ZFPM2: variants seen among roughly 807,000 people sequenced by gnomAD.
ZFPM2 encodes zinc finger protein ZFPM2.
ZFPM2 carries 20 observed loss-of-function variants against 98.6 expected under a neutral mutation model. That is an observed-to-expected ratio of 0.20 (90% CI 0.14 to 0.29). ZFPM2 has a LOEUF of 0.29. Ranked by LOEUF, ZFPM2 falls within the 10% of genes least tolerant of loss-of-function variation. ZFPM2 has a pLI of 1.00. For missense variants in ZFPM2, 1,310 were observed against 1,388.6 expected (o/e 0.94, Z 0.90); for synonymous variants, 518 against 502.7 (o/e 1.03, Z -0.41).
At chr8:105,376,998 T>C (rs1810736366) in intron 1 of ZFPM2, among the ~76,000 whole-genome samples, 1 of 152,216 alleles carries the variant, frequency 6.6e-6, no homozygotes, top group Admixed American at 6.5e-5. Context: ...CCTCATCTTG[T>C]ACCATGGTCC....
intron 5 of ZFPM2, among the ~76,000 whole-genome samples, chr8:105,722,530 A>G (rs374395409): frequency 5.9e-5 from 9 of 152,084 alleles, no homozygotes; most frequent in African/African-American, 1.9e-4. Context: ...ATAATTGATT[A>G]ACACATATTT....
chr8:105,371,866 T>C (rs1810627704), intron 1 of ZFPM2, among the ~76,000 whole-genome samples: 1 of 152,032 alleles, frequency 6.6e-6, no homozygotes, highest in Admixed American at 6.6e-5. Context: ...TTAATTGTTC[T>C]GAATTAGTGA....
At chr8:105,346,184 G>A (rs575628053) in intron 1 of ZFPM2, among the ~76,000 whole-genome samples, 3 of 152,038 alleles carry the variant, frequency 2.0e-5, no homozygotes, top group South Asian at 4.1e-4. Flanking sequence ...TCAGGAGTTC[G>A]AGAGCAGCCT....
At chr8:105,331,088 A>G (rs1812224048) in intron 1 of ZFPM2, among the ~76,000 whole-genome samples, 1 of 146,088 alleles carries the variant, frequency 6.8e-6, no homozygotes, top group African/African-American at 2.5e-5. Flanking sequence ...TTCTCCCATT[A>G]TTTTTTTTGT....
chr8:105,511,614 A>AT (rs1425283465), intron 3 of ZFPM2, among the ~76,000 whole-genome samples: 14 of 152,168 alleles, frequency 9.2e-5, no homozygotes, highest in Admixed American at 6.6e-4. Context: ...CAATATTAAC[A>AT]TTTTTTTGAA....
intron 5 of ZFPM2, among the ~76,000 whole-genome samples, chr8:105,753,345 C>T (rs888631396): frequency 1.3e-5 from 2 of 152,056 alleles, no homozygotes; most frequent in African/African-American, 2.4e-5. Flanking sequence ...ACAAAGCCCA[C>T]CTATGGACAG....
chr8:105,342,663 A>G (rs1488302215), intron 1 of ZFPM2, among the ~76,000 whole-genome samples: 1 of 152,060 alleles, frequency 6.6e-6, no homozygotes, highest in Non-Finnish European at 1.5e-5. Flanking sequence ...ATTGAAAACA[A>G]CAAAATTCTC....
intron 3 of ZFPM2, among the ~76,000 whole-genome samples, chr8:105,473,194 A>G (rs989419302): frequency 2.0e-5 from 3 of 152,144 alleles, no homozygotes; most frequent in African/African-American, 7.2e-5. Flanking sequence ...GACTGAGATC[A>G]TAGGCCTGAA....
chr8:105,497,591 A>G (rs182927773), intron 3 of ZFPM2, among the ~76,000 whole-genome samples: 1 of 152,248 alleles, frequency 6.6e-6, no homozygotes, highest in Non-Finnish European at 1.5e-5. Context: ...TTTAAGCTGG[A>G]CCCTTTATCT....
At chr8:105,535,782 A>G (rs540647595) in intron 3 of ZFPM2, among the ~76,000 whole-genome samples, 26 of 152,312 alleles carry the variant, frequency 1.7e-4, no homozygotes, top group African/African-American at 6.3e-4. Flanking sequence ...ATTCATAAGC[A>G]TGTTACATGG....
At chr8:105,456,384 T>G (rs1013987952) in intron 3 of ZFPM2, among the ~76,000 whole-genome samples, 1 of 151,884 alleles carries the variant, frequency 6.6e-6, no homozygotes, top group Non-Finnish European at 1.5e-5. Flanking sequence ...AAACAACCAT[T>G]GTTGATAAAT....
chr8:105,766,859 T>G (rs1263475819), intron 5 of ZFPM2, among the ~76,000 whole-genome samples: 1 of 151,868 alleles, frequency 6.6e-6, no homozygotes. Flanking sequence ...GTTACTAAAA[T>G]CAGCCATCCT....
chr8:105,458,610 A>T (rs1387451787), intron 3 of ZFPM2, among the ~76,000 whole-genome samples: 1 of 152,210 alleles, frequency 6.6e-6, no homozygotes, highest in Admixed American at 6.5e-5. Flanking sequence ...AAATAATATA[A>T]AAATGATCGA....
chr8:105,409,509 C>G (rs1038508104), intron 1 of ZFPM2, among the ~76,000 whole-genome samples: 1 of 151,820 alleles, frequency 6.6e-6, no homozygotes, highest in East Asian at 1.9e-4. Flanking sequence ...ACCTAACCTG[C>G]CACTTATCAG....
At chr8:105,800,790 CTATAA>C (rs1399993224) in intron 7 of ZFPM2, among the ~76,000 whole-genome samples, 2 of 152,094 alleles carry the variant, frequency 1.3e-5, no homozygotes, top group African/African-American at 4.8e-5. Context: ...GTTTCCTCAT[CTATAA>C]AATGGAGACA....
At chr8:105,381,430 G>A (rs1810887154) in intron 1 of ZFPM2, among the ~76,000 whole-genome samples, 1 of 151,956 alleles carries the variant, frequency 6.6e-6, no homozygotes, top group Admixed American at 6.6e-5. Context: ...CAGAGAATTT[G>A]AGTAAGATAC....
intron 1 of ZFPM2, among the ~76,000 whole-genome samples, chr8:105,326,412 G>A (rs1812115833): frequency 6.6e-6 from 1 of 151,584 alleles, no homozygotes; most frequent in Non-Finnish European, 1.5e-5. Context: ...TTAGGATTAT[G>A]GGCACTAAAT....
chr8:105,653,121 C>G (rs995700207), intron 5 of ZFPM2, among the ~76,000 whole-genome samples: 83 of 152,130 alleles, frequency 5.5e-4, no homozygotes, highest in African/African-American at 1.8e-3. Flanking sequence ...AAATAAGAAA[C>G]AAAAACGAAG....
At chr8:105,633,846 C>G (rs1043239673) in intron 4 of ZFPM2, among the ~76,000 whole-genome samples, 1 of 152,032 alleles carries the variant, frequency 6.6e-6, no homozygotes, top group African/African-American at 2.4e-5. Flanking sequence ...TAAATTCTTT[C>G]CTGTCTGTTT....
Sources: gnomAD v4.1 joint callset for allele counts (sites outside exome capture counted in the v4.1 genomes callset) on GRCh38, gnomAD v4.1.1 for gene constraint, MANE v1.5 for transcripts, NCBI Gene and HGNC (gene_info 2026-07-23, HGNC 2026-07-21) for gene names.